EYS: variants seen among roughly 807,000 people sequenced by gnomAD.
EYS encodes protein eyes shut homolog.
In EYS, 250 loss-of-function variants were observed where a neutral mutation model predicts 282.1. The ratio of observed to expected loss-of-function variants is 0.89; its 90% CI spans 0.80 to 0.98. The LOEUF (loss-of-function observed/expected upper bound fraction) is 0.98, where lower values mean the gene tolerates loss of function less well. EYS is among the 50% of genes least tolerant of loss of function. EYS has a pLI of 0.00. For missense variants in EYS, 4,016 were observed against 3,709.0 expected, an observed-to-expected ratio of 1.08 and a Z score of -2.15; for synonymous variants, 1,355 against 1,282.9, an observed-to-expected ratio of 1.06 and a Z score of -1.20.
chr6:64,674,553 A>T (rs1283137289), intron 22 of EYS, among the ~76,000 whole-genome samples: 2 of 152,076 alleles, frequency 1.3e-5, no homozygotes, highest in East Asian at 3.9e-4. Flanking sequence ...GAAGTGATGG[A>T]TATACTTTAT....
chr6:65,642,858 C>T (rs143591329), intron 1 of EYS, among the ~76,000 whole-genome samples: 158 of 152,262 alleles, frequency 1.0e-3, no homozygotes, highest in Non-Finnish European at 1.7e-3. Flanking sequence ...CACCTAGCCT[C>T]CAGAAAATAA....
intron 12 of EYS, among the ~76,000 whole-genome samples, chr6:65,292,539 G>C (rs1376662992): frequency 6.6e-6 from 1 of 151,696 alleles, no homozygotes; most frequent in Non-Finnish European, 1.5e-5. Context: ...GAAGTACGAA[G>C]GCACCTAGAA....
intron 35 of EYS, among the ~76,000 whole-genome samples, chr6:63,901,397 A>G (rs929491509): frequency 6.6e-6 from 1 of 152,246 alleles, no homozygotes; most frequent in African/African-American, 2.4e-5. Context: ...GATAATATGA[A>G]CTATACAGAC....
intron 12 of EYS, among the ~76,000 whole-genome samples, chr6:65,281,730 T>C (rs1768224936): frequency 6.6e-6 from 1 of 152,142 alleles, no homozygotes; most frequent in Non-Finnish European, 1.5e-5. Flanking sequence ...AGAATAGGTA[T>C]GGATTGAATA....
At chr6:64,168,905 AAAG>A (rs1343849097) in intron 31 of EYS, among the ~76,000 whole-genome samples, 20 of 152,222 alleles carry the variant, frequency 1.3e-4, no homozygotes, top group African/African-American at 4.1e-4. Context: ...TGCTGTTAAA[AAAG>A]CAAATTATAC....
chr6:64,520,327 T>C (rs1777693584), intron 26 of EYS, among the ~76,000 whole-genome samples: 1 of 151,072 alleles, frequency 6.6e-6, no homozygotes, highest in Non-Finnish European at 1.5e-5. Context: ...TTTAGAGTTA[T>C]GTCTGTAAAG....
At chr6:64,858,672 G>A (rs775598528) in intron 19 of EYS, among the ~76,000 whole-genome samples, 1 of 151,716 alleles carries the variant, frequency 6.6e-6, no homozygotes, top group Non-Finnish European at 1.5e-5. Context: ...TTCAAGTATG[G>A]TTCAATGTAC....
In EYS at chr6:64,085,680, A is replaced by T. The variant is rs577567659; in HGVS notation, c.6425-3678T>A. 1.5e-4 allele frequency among the ~76,000 whole-genome samples: 23 copies of T among 152,300 alleles called. No individual in the cohort carries two copies. In the South Asian group the frequency reaches 4.6e-3, roughly 30 times the overall value. ...GTGCAAAAGAAAGTTTATTTTTAAT[A>T]TCCTGTTTATGCCTATAACTTGTGA... On this transcript the variant is annotated intron_variant, in intron 31 of 42. Coordinates refer to ENST00000503581, the MANE Select transcript of EYS (RefSeq NM_001142800.2).
chr6:64,674,538 A>G (rs1484675597), intron 22 of EYS, among the ~76,000 whole-genome samples: 1 of 152,116 alleles, frequency 6.6e-6, no homozygotes, highest in Non-Finnish European at 1.5e-5. Flanking sequence ...AAGGTTTAAA[A>G]TTATGAAGTG....
rs566905634 is a variant in EYS at position 64,390,266 on chromosome 6, C to T, written c.5928-1426G>A. On this transcript the variant is annotated intron_variant, in intron 28 of 42. Coordinates refer to ENST00000503581, the MANE Select transcript of EYS (RefSeq NM_001142800.2). ...GCCAGGAAGCTCCAACTGGGTGGAG[C>T]CCACCACAGCTCAAGGAGGCCGGTC... is the stretch of plus-strand genomic sequence containing the variant. Among the ~76,000 whole-genome samples the T allele has an allele frequency of 2.2e-4, 33 of 152,268 alleles. 1 individual carries two copies. In the South Asian group the frequency reaches 2.3e-3, roughly 11 times the overall value.
At chr6:64,753,594 T>A (rs1772836323) in intron 22 of EYS, among the ~76,000 whole-genome samples, 1 of 150,112 alleles carries the variant, frequency 6.7e-6, no homozygotes, top group South Asian at 2.1e-4. Context: ...TATCCACCCA[T>A]CACCAGAGCA....
At chr6:64,794,722 A>G (rs981506205) in intron 22 of EYS, among the ~76,000 whole-genome samples, 1 of 152,200 alleles carries the variant, frequency 6.6e-6, no homozygotes, top group Non-Finnish European at 1.5e-5. Context: ...TAAAAAGGAG[A>G]AAATCCTGCC....
At chr6:64,852,492 C>T (rs1583223748) in intron 19 of EYS, among the ~76,000 whole-genome samples, 1 of 152,096 alleles carries the variant, frequency 6.6e-6, no homozygotes, top group Non-Finnish European at 1.5e-5. Flanking sequence ...TATTGTGGGA[C>T]ATTGTGATCT....
intron 35 of EYS, among the ~76,000 whole-genome samples, chr6:63,955,523 A>G (rs1271726668): frequency 6.6e-6 from 1 of 152,058 alleles, no homozygotes; most frequent in Non-Finnish European, 1.5e-5. Context: ...TCTCCACTAC[A>G]CTATCAATCT....
rs573753585 is a variant in EYS at position 65,517,308 on chromosome 6, G to T, written c.-332-21315C>A. Among the ~76,000 whole-genome samples the T allele has an allele frequency of 1.6e-4, 23 of 147,094 alleles. No homozygotes were observed. In the South Asian group the frequency reaches 4.3e-3, roughly 27 times the overall value. On this transcript the variant is annotated intron_variant, in intron 2 of 42. Coordinates refer to ENST00000503581, the MANE Select transcript of EYS (RefSeq NM_001142800.2). ...ATAAAAATAATTGTCTGTAACAAAA[G>T]TATTTTGGAATCTGTTTTTTTCAAA...
At chr6:64,801,645 T>C (rs367758668) in intron 22 of EYS, among the ~76,000 whole-genome samples, 127 of 152,320 alleles carry the variant, frequency 8.3e-4, no homozygotes, top group Admixed American at 1.2e-3. Context: ...TAATGTATTT[T>C]ATTAAAATTC....
chr6:63,728,147 A>G (rs1003261369), intron 41 of EYS, among the ~76,000 whole-genome samples: 6 of 152,296 alleles, frequency 3.9e-5, no homozygotes, highest in African/African-American at 7.2e-5. Flanking sequence ...ATAAAAGTGT[A>G]TAACATTTTT....
intron 35 of EYS, among the ~76,000 whole-genome samples, chr6:63,982,697 A>G (rs1412053078): frequency 2.6e-5 from 4 of 151,754 alleles, no homozygotes; most frequent in Admixed American, 2.6e-4. Context: ...GGTTAAAAGC[A>G]AGTCACAGGT....
intron 12 of EYS, among the ~76,000 whole-genome samples, chr6:65,252,234 T>G (rs1767346074): frequency 6.6e-6 from 1 of 151,858 alleles, no homozygotes; most frequent in African/African-American, 2.4e-5. Context: ...CCCATCACAT[T>G]TTTAATAAAC....
Sources: gnomAD v4.1 joint callset for allele counts (sites outside exome capture counted in the v4.1 genomes callset) on GRCh38, gnomAD v4.1.1 for gene constraint, MANE v1.5 for transcripts, NCBI Gene and HGNC (gene_info 2026-07-23, HGNC 2026-07-21) for gene names.